Variants in USP40 observed in about 807,000 individuals in gnomAD.
The protein encoded by USP40 is ubiquitin specific peptidase 40, also known as ubiquitin carboxyl-terminal hydrolase 40.
USP40 carries 143 observed loss-of-function variants against 166.2 expected under a neutral mutation model. The ratio of observed to expected loss-of-function variants is 0.86; its 90% CI spans 0.75 to 0.99. USP40 has a LOEUF of 0.99. Ranked by LOEUF, USP40 falls within the 50% of genes least tolerant of loss-of-function variation. The probability of loss-of-function intolerance (pLI) is 0.00; values close to 1 mark genes in which losing one functional copy is unlikely to be tolerated. For synonymous variants in USP40, 498 were observed against 524.0 expected (o/e 0.95, Z 0.68); for missense variants, 1,444 against 1,479.7 (o/e 0.98, Z 0.40).
Position 233,533,599 on chromosome 2 carries a change from C to T in USP40, c.1351G>A (p.Asp451Asn), listed in dbSNP as rs1309687684. 1 of 1,613,780 alleles carries T rather than the reference C, an allele frequency of 6.2e-7. No individual in the cohort carries two copies. The highest frequency in any genetic ancestry group is 8.5e-7 in the Non-Finnish European group (1 of 1,179,800). ...NNSISCPHWF[D>N]INDSKVQPIR... Reference sequence around the variant, plus strand: ...GGCTGGACTTTAGAATCATTTATATCAAACCAGTGGGGACAGGAGATGCTA... The same window carrying T: ...GGCTGGACTTTAGAATCATTTATATTAAACCAGTGGGGACAGGAGATGCTA... The change falls in exon 11 of 32, where the codon GAT becomes AAT. Residue 451 changes from aspartate to asparagine, a missense_variant. Asp to Asn is a conservative substitution (Grantham distance 23, BLOSUM62 1). Coordinates refer to ENST00000678225, the MANE Select transcript of USP40 (RefSeq NM_001365479.2).
rs2065492990 is a variant in USP40 at position 233,493,704 on chromosome 2, G to A, written c.2791-153C>T. On this transcript the variant is annotated intron_variant, in intron 24 of 31. Transcript: ENST00000678225. This position sits in a 1 kb window ranked among gnomAD's most constrained non-coding sequence, Gnocchi z 4.7. The stretch of plus-strand genomic sequence containing the variant: ...TTATTAACTGTCATAAATTATACTT[G>A]TTTTTACAATCAAAAATTTAAAATC... Among the ~76,000 whole-genome samples the A allele has an allele frequency of 6.6e-6, 1 of 152,170 alleles. No individual in the cohort carries two copies. The highest frequency in any genetic ancestry group is 2.4e-5 in the African/African-American group (1 of 41,438).
chr2:233,560,052 T>A, intron 3 of USP40, 128 bp from the exon 4 acceptor site: 1 of 567,884 alleles, frequency 1.8e-6, no homozygotes. Flanking sequence ...AATATCCTAT[T>A]ATAAGGGAAA....
intron 23 of USP40, 64 bp from the exon 24 acceptor site, chr2:233,496,896 T>C (rs1297399961): frequency 2.4e-6 from 3 of 1,252,012 alleles, no homozygotes; most frequent in African/African-American, 1.5e-5. Context: ...CATTGATCTT[T>C]TTAAAACCCC....
rs2125022214 is a variant in USP40, at chr2:233,480,790, G to A, written c.3599+413C>T. On this transcript the variant is annotated intron_variant, in intron 31 of 31. Transcript: ENST00000678225. The surrounding 1 kb of genome is among the most constrained non-coding windows in gnomAD (Gnocchi z 4.5). ...GAGTGGCCAGGCTCTCGGGAACCTT[G>A]GAGAGAGCGGGAGAAGGACAGGGAG... Among the ~76,000 whole-genome samples, 1 of 152,316 alleles carries A rather than the reference G, an allele frequency of 6.6e-6. No homozygotes were observed. Among genetic ancestry groups the A allele is most frequent in the African/African-American group, 2.4e-5 (1 of 41,564 alleles).
At chr2:233,498,693 C>T (rs1465969581) in intron 22 of USP40, 81 bp from the exon 23 acceptor site, 2 of 1,138,372 alleles carry the variant, frequency 1.8e-6, no homozygotes, top group African/African-American at 3.1e-5. Context: ...GAATGTCTTG[C>T]ACCCAGAGCA....
In USP40 at chr2:233,519,466, C is replaced by T. The variant is rs930337858; in HGVS notation, c.2383+148G>A. On this transcript the variant is annotated intron_variant, in intron 18 of 31. Coordinates refer to ENST00000678225, the MANE Select transcript of USP40 (RefSeq NM_001365479.2). ...TTATAATGTTTCAAACAAAAACAAA[C>T]ATATGACAAAATGTTAATATTTGTC... The T allele has an allele frequency of 7.1e-6, 4 of 564,302 alleles. No individual in the cohort carries two copies. In the African/African-American group the frequency reaches 7.8e-5, roughly 11 times the overall value. 35.0% of individuals were successfully genotyped at this position (564,302 alleles called of 1,614,324 possible).
chr2:233,514,189 C>T (rs1009987016), intron 18 of USP40, among the ~76,000 whole-genome samples: 6 of 152,188 alleles, frequency 3.9e-5, no homozygotes, highest in Non-Finnish European at 7.3e-5. Flanking sequence ...GCAGTGTAAA[C>T]TCAGTCCTCA....
intron 4 of USP40, among the ~76,000 whole-genome samples, chr2:233,558,477 A>G (rs1267490647): frequency 6.6e-6 from 1 of 152,206 alleles, no homozygotes; most frequent in African/African-American, 2.4e-5. Context: ...ATGAACCCTG[A>G]GAACAGTACT....
intron 11 of USP40, among the ~76,000 whole-genome samples, chr2:233,532,811 T>G (rs2068646668): frequency 6.6e-6 from 1 of 151,924 alleles, no homozygotes. Context: ...TGTGGCAGCA[T>G]GTACTTGTAG....
rs918873792 is a variant in USP40 at position 233,488,253 on chromosome 2, T to C, written c.3183A>G (p.Lys1061=). The change falls in exon 28 of 32, where the codon AAA becomes AAG. Residue 1061 remains lysine (K), a synonymous_variant. Coordinates refer to ENST00000678225, the MANE Select transcript of USP40 (RefSeq NM_001365479.2). ...RIEICLEPLQ[K]GENLGPQDVL... is the part of the protein sequence containing the mutation. ...GAATTTCTTACCCCAAGTTTTCGCC[T>C]TTCTGAAGGGGCTCTAAGCAGATCT... is the stretch of plus-strand genomic sequence containing the variant. 2.5e-6 allele frequency: 4 copies of C among 1,604,460 alleles called. No homozygotes were observed. Among genetic ancestry groups the C allele is most frequent in the Admixed American group, 1.7e-5 (1 of 58,910 alleles).
At chr2:233,555,984 C>T (rs983432949) in intron 5 of USP40, among the ~76,000 whole-genome samples, 2 of 151,654 alleles carry the variant, frequency 1.3e-5, no homozygotes, top group Admixed American at 6.6e-5. Flanking sequence ...GGCATGGTGG[C>T]GGGCACCTGT....
intron 18 of USP40, among the ~76,000 whole-genome samples, chr2:233,517,451 C>G (rs547648133): frequency 5.5e-5 from 8 of 145,232 alleles, no homozygotes; most frequent in Non-Finnish European, 1.2e-4. Flanking sequence ...GTGGCGCGAT[C>G]TCGGCTCACT....
At chr2:233,500,774 C>T (rs1170456427) in intron 21 of USP40, among the ~76,000 whole-genome samples, 1 of 151,978 alleles carries the variant, frequency 6.6e-6, no homozygotes, top group Non-Finnish European at 1.5e-5. Flanking sequence ...CAAAGTGATC[C>T]CATTTATAAT....
intron 22 of USP40, among the ~76,000 whole-genome samples, chr2:233,499,311 C>T (rs971044603): frequency 6.6e-6 from 1 of 152,114 alleles, no homozygotes; most frequent in Non-Finnish European, 1.5e-5. Context: ...CTTCCAGCTC[C>T]ATCCATGACC....
chr2:233,483,223 CT>C, intron 30 of USP40, among the ~76,000 whole-genome samples: 1 of 152,296 alleles, frequency 6.6e-6, no homozygotes, highest in African/African-American at 2.4e-5. Flanking sequence ...GGCATGGTGG[CT>C]CACGCCTGTA....
chr2:233,499,759 A>G, intron 22 of USP40, 120 bp downstream of exon 22: 1 of 758,664 alleles, frequency 1.3e-6, no homozygotes, highest in Non-Finnish European at 2.1e-6. Context: ...GGAAGTGTAA[A>G]CTACTTTTTA....
chr2:233,535,841 T>C (rs1359780444), intron 10 of USP40, among the ~76,000 whole-genome samples: 3 of 152,136 alleles, frequency 2.0e-5, no homozygotes, highest in African/African-American at 7.2e-5. Context: ...TTGCACAGTA[T>C]GGTAAATACA....
At chr2:233,479,628 C>CGTATGTGT (rs775535031) in intron 31 of USP40, among the ~76,000 whole-genome samples, 1 of 145,414 alleles carries the variant, frequency 6.9e-6, no homozygotes, top group Non-Finnish European at 1.5e-5. Context: ...TAGAATTTTA[C>CGTATGTGT]GTGTGTGTGT....
chr2:233,523,512 A>G (rs781365772), intron 15 of USP40, 23 bp from the exon 16 acceptor site: 2 of 1,595,034 alleles, frequency 1.3e-6, no homozygotes. Context: ...CAAGACAACC[A>G]TTAGTACAGC....
Sources: allele counts gnomAD v4.1 joint callset (sites outside exome capture counted in the v4.1 genomes callset), GRCh38; gene constraint gnomAD v4.1.1; non-coding constraint Gnocchi (gnomAD v3.1); transcripts MANE v1.5; gene names NCBI Gene and HGNC (gene_info 2026-07-23, HGNC 2026-07-21).